CDK14: variants seen among roughly 807,000 people sequenced by gnomAD.
CDK14 encodes the protein cyclin-dependent kinase 14.
Under a neutral mutation model 60.7 loss-of-function variants are expected in CDK14, and 34 were observed. That is an observed-to-expected ratio of 0.56 (90% CI 0.43 to 0.75). The LOEUF is 0.75. Ranked by LOEUF, CDK14 falls within the 30% of genes least tolerant of loss-of-function variation. The pLI, the probability that CDK14 is intolerant of heterozygous loss-of-function variation, is 0.00. For synonymous variants in CDK14, 197 were observed against 203.7 expected, an observed-to-expected ratio of 0.97 and a Z score of 0.28; for missense variants, 482 against 564.1, an observed-to-expected ratio of 0.85 and a Z score of 1.47.
intron 4 of CDK14, among the ~76,000 whole-genome samples, chr7:90,758,826 C>A (rs1232040628): frequency 6.6e-6 from 1 of 152,248 alleles, no homozygotes; most frequent in South Asian, 2.1e-4. Flanking sequence ...AAGGGCAAGG[C>A]GGGTGGATCA....
chr7:91,113,930 C>T lies in CDK14; in HGVS notation c.1294+1249C>T, dbSNP rs192245480. On this transcript the variant is annotated intron_variant, in intron 13 of 14. Transcript: ENST00000380050. ...TTAGCAAATCCTCCTTAACATTTCA[C>T]GTATTTCCAGCCCATGTTTACTCAA... 8.2e-4 allele frequency among the ~76,000 whole-genome samples: 125 copies of T among 152,228 alleles called. 1 individual carries two copies. Among genetic ancestry groups the T allele is most frequent in the Admixed American group, 6.6e-3 (101 of 15,292 alleles).
At chr7:91,197,117 A>G (rs1052618366) in intron 14 of CDK14, among the ~76,000 whole-genome samples, 1 of 152,064 alleles carries the variant, frequency 6.6e-6, no homozygotes, top group African/African-American at 2.4e-5. Flanking sequence ...CCCAAATCCT[A>G]GGCCGGGAGT....
intron 10 of CDK14, among the ~76,000 whole-genome samples, chr7:91,024,251 C>A (rs1404226725): frequency 1.3e-5 from 2 of 152,088 alleles, no homozygotes; most frequent in Non-Finnish European, 2.9e-5. Flanking sequence ...TACCAAGAAT[C>A]CAGTGAGGTA....
chr7:91,172,973 A>G (rs1389338986), intron 14 of CDK14, among the ~76,000 whole-genome samples: 1 of 152,084 alleles, frequency 6.6e-6, no homozygotes, highest in Non-Finnish European at 1.5e-5. Flanking sequence ...CTCATGCCCA[A>G]ACTTTCTTAA....
intron 5 of CDK14, among the ~76,000 whole-genome samples, chr7:90,828,386 C>G (rs1053489069): frequency 1.3e-5 from 2 of 152,174 alleles, no homozygotes; most frequent in African/African-American, 4.8e-5. Flanking sequence ...AAGTCTCTAC[C>G]TTGAAGTAAT....
chr7:91,069,874 G>A (rs1049505505), intron 11 of CDK14, among the ~76,000 whole-genome samples: 7 of 152,150 alleles, frequency 4.6e-5, no homozygotes, highest in Admixed American at 2.0e-4. Context: ...ATGGCTTAGT[G>A]CAGCCTCTAC....
intron 14 of CDK14, among the ~76,000 whole-genome samples, chr7:91,170,626 A>G (rs1801485502): frequency 6.6e-6 from 1 of 152,242 alleles, no homozygotes; most frequent in African/African-American, 2.4e-5. Flanking sequence ...TTAATTAAAA[A>G]TAATTTTGAT....
intron 10 of CDK14, among the ~76,000 whole-genome samples, chr7:91,034,425 A>G (rs1796853088): frequency 6.6e-6 from 1 of 152,128 alleles, no homozygotes; most frequent in African/African-American, 2.4e-5. Context: ...CCAGCCAAGC[A>G]CCACTAAATG....
chr7:91,181,821 A>C (rs1469511190), intron 14 of CDK14, among the ~76,000 whole-genome samples: 1 of 152,104 alleles, frequency 6.6e-6, no homozygotes, highest in Non-Finnish European at 1.5e-5. Context: ...TCTTTCTGGC[A>C]TGACAAGATG....
chr7:90,882,471 A>G (rs771868672), intron 6 of CDK14, among the ~76,000 whole-genome samples: 4 of 152,170 alleles, frequency 2.6e-5, no homozygotes, highest in Non-Finnish European at 5.9e-5. Context: ...CTATGAGGAG[A>G]CTTACACTTC....
chr7:90,895,369 C>CCCTCT (rs1792276417), intron 6 of CDK14, among the ~76,000 whole-genome samples: 10 of 3,780 alleles, frequency 2.6e-3, no homozygotes, highest in Non-Finnish European at 4.8e-3. Context: ...ACCTCTCCTC[C>CCCTCT]CCTCCCCTCT....
chr7:91,206,751 A>T (rs1348603795), intron 14 of CDK14, among the ~76,000 whole-genome samples: 2 of 152,134 alleles, frequency 1.3e-5, no homozygotes, highest in African/African-American at 4.8e-5. Context: ...CGTGTTTGTG[A>T]TCCGTTTTTC....
chr7:90,668,079 C>G (rs1801021931), intron 2 of CDK14, among the ~76,000 whole-genome samples: 1 of 152,052 alleles, frequency 6.6e-6, no homozygotes, highest in Non-Finnish European at 1.5e-5. Flanking sequence ...ATACGTATAA[C>G]TTTTTGCGGA....
chr7:90,753,668 C>T (rs1034768403), intron 4 of CDK14, among the ~76,000 whole-genome samples: 4 of 152,084 alleles, frequency 2.6e-5, no homozygotes, highest in African/African-American at 9.7e-5. Flanking sequence ...AAATAAAAGG[C>T]ATCCAAATAA....
chr7:90,942,146 C>T (rs935660549), intron 8 of CDK14, among the ~76,000 whole-genome samples: 1 of 152,188 alleles, frequency 6.6e-6, no homozygotes, highest in Admixed American at 6.5e-5. Flanking sequence ...GATCCCTTAT[C>T]TTTATTTCCT....
intron 1 of CDK14, among the ~76,000 whole-genome samples, chr7:90,597,833 GTTTTTTTT>G (rs11351927): frequency 1.4e-5 from 2 of 138,610 alleles, no homozygotes; most frequent in East Asian, 2.1e-4. Flanking sequence ...ATTTAGCCAA[GTTTTTTTT>G]TTTTTTTTTG....
intron 13 of CDK14, among the ~76,000 whole-genome samples, chr7:91,117,502 C>G (rs1799644650): frequency 6.6e-6 from 1 of 152,116 alleles, no homozygotes; most frequent in Non-Finnish European, 1.5e-5. Context: ...TCATTTGATT[C>G]TCTCCACCAA....
intron 2 of CDK14, among the ~76,000 whole-genome samples, chr7:90,633,096 A>AAG (rs1480267166): frequency 0.21 from 219 of 1,064 alleles, 1 homozygote; most frequent in African/African-American, 0.24. Context: ...ATTCTGTCTC[A>AAG]AAAAAAAAAA....
Position 90,904,435 on chromosome 7 carries a change from G to T in CDK14, c.702+5082G>T, listed in dbSNP as rs1472791743. Among the ~76,000 whole-genome samples, 3 of 152,190 alleles carry T rather than the reference G, an allele frequency of 2.0e-5. No individual in the cohort carries two copies. In the South Asian group the frequency reaches 6.2e-4, roughly 32 times the overall value. ...AATTCATCCATAAAACAAAAATGTG[G>T]TATTATTTTTGAGAAGCAGAATTTA... On this transcript the variant is annotated intron_variant, in intron 7 of 14. Transcript: ENST00000380050.
Sources: gnomAD v4.1 joint callset for allele counts (sites outside exome capture counted in the v4.1 genomes callset) on GRCh38, gnomAD v4.1.1 for gene constraint, MANE v1.5 for transcripts, NCBI Gene and HGNC (gene_info 2026-07-23, HGNC 2026-07-21) for gene names.